WASHC2A: variants seen among roughly 807,000 people sequenced by gnomAD.
WASHC2A encodes WASH complex subunit 2A.
WASHC2A carries 82 observed loss-of-function variants against 140.3 expected under a neutral mutation model. That is an observed-to-expected ratio of 0.58 (90% confidence interval 0.49 to 0.70). The LOEUF is 0.70. Among genes scored for constraint, WASHC2A ranks in the 30% least tolerant of loss-of-function variants. The probability of loss-of-function intolerance (pLI) is 0.00; values close to 1 mark genes in which losing one functional copy is unlikely to be tolerated. For synonymous variants in WASHC2A, 340 were observed against 560.8 expected (o/e 0.61, Z 5.56); for missense variants, 985 against 1,521.8 (o/e 0.65, Z 5.87).
Position 50,104,130 on chromosome 10 carries a change from A to G in WASHC2A, c.1724A>G (p.Asp575Gly), listed in dbSNP as rs782037501. 5 of 1,467,408 alleles carry G rather than the reference A, an allele frequency of 3.4e-6. 1 individual carries two copies. The highest frequency in any genetic ancestry group is 4.7e-6 in the Non-Finnish European group (5 of 1,059,918). The allele number at this position is 1,467,408 out of a possible 1,614,324, so 90.9% of individuals were successfully genotyped here. Residue 575 changes from aspartate (D) to glycine (G), a missense_variant, in exon 18 of 31, where the codon GAT becomes GGT. Asp to Gly is a moderately conservative substitution (Grantham distance 94, BLOSUM62 -1). Coordinates refer to ENST00000282633, the MANE Select transcript of WASHC2A (RefSeq NM_001005751.3). ...CCCACGTTGGTTTCCCTGTTTGATGATGAAGATGAAGAGGTAAACATTGTT... is the reference window on the plus strand; with the variant it reads ...CCCACGTTGGTTTCCCTGTTTGATGGTGAAGATGAAGAGGTAAACATTGTT... ...KLPTLVSLFD[D>G]EDEEDNLFGG...
At chr10:50,082,819 A>G (rs1839032887) in intron 5 of WASHC2A, among the ~76,000 whole-genome samples, 1 of 139,058 alleles carries the variant, frequency 7.2e-6, no homozygotes, top group Admixed American at 7.2e-5. Flanking sequence ...TGGGACTGAC[A>G]GGAGTAGACG....
chr10:50,068,209 G>A lies in WASHC2A; in HGVS notation c.108G>A (p.Ser36=). The change falls in exon 2 of 31, where the codon TCG becomes TCA. Residue 36 remains serine (S), a synonymous_variant. Transcript: ENST00000282633. ...TCCGCAGGAGCAGCCAGAGCTGGTC[G>A]CTGGCGGCCGACGCGGGCGTGAGAG... ...EEIRRSSQSW[S]LAADAGLLQF... is the part of the protein sequence containing the mutation. The A allele has an allele frequency of 6.3e-7, 1 of 1,585,698 alleles. No homozygotes were observed. Among genetic ancestry groups the A allele is most frequent in the African/African-American group, 1.4e-5 (1 of 73,754 alleles).
Position 50,128,801 on chromosome 10 carries a change from G to T in WASHC2A, c.3088-618G>T, listed in dbSNP as rs1186165045. On this transcript the variant is annotated intron_variant, in intron 28 of 30. Transcript: ENST00000282633. The stretch of plus-strand genomic sequence containing the variant: ...TATTTTGGAAACTATCATAAATACT[G>T]CATCATTGCTACTAAGTGATTCATG... Among the ~76,000 whole-genome samples the T allele has an allele frequency of 4.2e-4, 64 of 152,138 alleles. No homozygotes were observed. The East Asian group carries it at 7.5e-3, about 18-fold the overall frequency.
At chr10:50,078,469 C>CT (rs1218052955) in intron 3 of WASHC2A, among the ~76,000 whole-genome samples, 5,856 of 145,798 alleles carry the variant, frequency 0.04, 375 homozygotes, top group African/African-American at 0.14. Flanking sequence ...TAAAAATTTT[C>CT]TTTTTTTTTT....
chr10:50,068,072 G>C (rs1554874591), intron 1 of WASHC2A, 33 bp from the exon 2 acceptor site: 1 of 1,609,178 alleles, frequency 6.2e-7, no homozygotes, highest in Non-Finnish European at 8.5e-7. Context: ...CCGCCCTCAG[G>C]CTCAGCTTCT....
intron 11 of WASHC2A, 96 bp from the exon 12 acceptor site, chr10:50,093,172 A>G: frequency 1.6e-6 from 1 of 615,956 alleles, no homozygotes; most frequent in South Asian, 1.7e-5. Context: ...GATAAACTCC[A>G]TGCCAGTTTG....
intron 20 of WASHC2A, among the ~76,000 whole-genome samples, chr10:50,113,147 C>T (rs1842420105): frequency 6.6e-6 from 1 of 151,394 alleles, no homozygotes; most frequent in Non-Finnish European, 1.5e-5. Context: ...GTGGAAGGAT[C>T]TCTTGAGGCC....
chr10:50,129,684 A>G lies in WASHC2A; in HGVS notation c.3353A>G (p.Lys1118Arg). The G allele has an allele frequency of 6.2e-7, 1 of 1,612,074 alleles. No individual in the cohort carries two copies. Among genetic ancestry groups the G allele is most frequent in the Non-Finnish European group, 8.5e-7 (1 of 1,179,860 alleles). ...VPGVDRSPFA[K>R]SLGHSRGEAD... The stretch of plus-strand genomic sequence containing the variant: ...GGAGTGGACAGAAGCCCCTTTGCAA[A>G]GTCTCTGGGTCATTCCAGAGGGGAG... Residue 1118 changes from lysine to arginine, a missense_variant, in exon 29 of 31, where the codon AAG becomes AGG. Transcript: ENST00000282633.
rs1190787972 is a variant in WASHC2A at position 50,090,653 on chromosome 10, A to G, written c.733-123A>G. The G allele has an allele frequency of 6.7e-5, 54 of 806,694 alleles. No individual in the cohort carries two copies. The East Asian group carries it at 1.1e-3, about 16-fold the overall frequency. 50.0% of individuals were successfully genotyped at this position (806,694 alleles called of 1,614,324 possible). On this transcript the variant is annotated intron_variant, in intron 8 of 30. Coordinates refer to ENST00000282633, the MANE Select transcript of WASHC2A (RefSeq NM_001005751.3). ...CATCTTTTGCTTCATAACTTGCTGC[A>G]TCATGTTTATGATTATTATTTTAAA...
Position 50,069,709 on chromosome 10 carries a change from A to G in WASHC2A, c.289A>G (p.Asn97Asp). 1.9e-6 allele frequency: 3 copies of G among 1,611,664 alleles called. No individual in the cohort carries two copies. Among genetic ancestry groups the G allele is most frequent in the Non-Finnish European group, 1.7e-6 (2 of 1,179,194 alleles). The change falls in exon 3 of 31, where the codon AAT (asparagine) becomes GAT (aspartate). Residue 97 changes from asparagine (N) to aspartate (D), a missense_variant and splice_region_variant. Physicochemically the swap from Asn to Asp is conservative, Grantham distance 23. Transcript: ENST00000282633. The part of the protein sequence containing the change: ...LMLSNTQFIE[N>D]RVYDEEVEEP... ...GCTCTCTAATACCCAGTTCATTGAGAATGTGAGTTATTTAGTTATATTATC... is the reference window on the plus strand; with the variant it reads ...GCTCTCTAATACCCAGTTCATTGAGGATGTGAGTTATTTAGTTATATTATC...
rs782178302 is a variant in WASHC2A at position 50,068,128 on chromosome 10, G to C, written c.27G>C (p.Gln9His). Residue 9 changes from glutamine (Q) to histidine (H), a missense_variant, in exon 2 of 31, where the codon CAG becomes CAC. Transcript: ENST00000282633. The part of the protein sequence containing the change: MMNRTTPD[Q>H]ELAPASEPVW... ...AGATGAACCGGACGACCCCCGACCA[G>C]GAGCTGGCGCCAGCGTCGGAGCCCG... 133 of 1,604,164 alleles carry C rather than the reference G, an allele frequency of 8.3e-5. 2 individuals are homozygous for C. The highest frequency in any genetic ancestry group is 1.1e-4 in the South Asian group (10 of 90,794).
intron 19 of WASHC2A, among the ~76,000 whole-genome samples, chr10:50,106,672 T>C (rs1475024609): frequency 1.4e-5 from 2 of 139,608 alleles, no homozygotes; most frequent in African/African-American, 5.0e-5. Context: ...TAGGAATAGG[T>C]ATGACTCCCA....
In WASHC2A at chr10:50,076,195, C is replaced by G. The variant is rs181168752; in HGVS notation, c.292-2480C>G. 1.1e-4 allele frequency among the ~76,000 whole-genome samples: 16 copies of G among 152,276 alleles called. No homozygotes were observed. The East Asian group carries it at 3.1e-3, about 29-fold the overall frequency. On this transcript the variant is annotated intron_variant, in intron 3 of 30. Transcript: ENST00000282633. The stretch of plus-strand genomic sequence containing the variant: ...AAAGTGCTGGGATTACAGGCATGAG[C>G]CTCCCAAAGTGCTGGGATTACAGGC...
At chr10:50,109,422 C>T (rs1554889561) in intron 19 of WASHC2A, among the ~76,000 whole-genome samples, 1 of 151,932 alleles carries the variant, frequency 6.6e-6, no homozygotes, top group East Asian at 1.9e-4. Context: ...AAATATTCTT[C>T]TCTGGAGTTG....
intron 3 of WASHC2A, among the ~76,000 whole-genome samples, chr10:50,077,774 G>C (rs2132396553): frequency 6.6e-6 from 1 of 151,006 alleles, no homozygotes; most frequent in Non-Finnish European, 1.5e-5. Flanking sequence ...CCAAGCTCAA[G>C]AGTTCCTCCT....
chr10:50,068,832 G>A lies in WASHC2A; in HGVS notation c.126+605G>A, dbSNP rs190962092. Among the ~76,000 whole-genome samples the A allele has an allele frequency of 6.0e-4, 88 of 147,132 alleles. 1 individual carries two copies. Among genetic ancestry groups the A allele is most frequent in the Non-Finnish European group, 1.1e-3 (72 of 66,336 alleles). ...GTTCAGGTGATCCTCTCACCTCAGC[G>A]TCCTGAGAAGCTGGGACTATAGGCG... On this transcript the variant is annotated intron_variant, in intron 2 of 30. Transcript: ENST00000282633.
intron 2 of WASHC2A, 163 bp from the exon 3 acceptor site, chr10:50,069,384 A>G: frequency 1.8e-6 from 2 of 1,116,902 alleles, no homozygotes; most frequent in Non-Finnish European, 2.4e-6. Context: ...GCGCCATTGT[A>G]CTCCAGCCCA....
intron 28 of WASHC2A, among the ~76,000 whole-genome samples, chr10:50,128,220 A>C (rs1388124564): frequency 6.6e-6 from 1 of 151,360 alleles, no homozygotes; most frequent in Non-Finnish European, 1.5e-5. Context: ...CAGCTTCCTC[A>C]CTAGTCACTT....
chr10:50,090,597 A>G (rs1456458146), intron 8 of WASHC2A, among the ~76,000 whole-genome samples, 179 bp from the exon 9 acceptor site: 6 of 146,368 alleles, frequency 4.1e-5, no homozygotes, highest in African/African-American at 7.4e-5. Flanking sequence ...CTTAGATTCA[A>G]AGTAAATCTT....
Sources: gnomAD v4.1 joint callset for allele counts (sites outside exome capture counted in the v4.1 genomes callset) on GRCh38, gnomAD v4.1.1 for gene constraint, MANE v1.5 for transcripts, NCBI Gene and HGNC (gene_info 2026-07-23, HGNC 2026-07-21) for gene names.